The following CD2 variants were observed in gnomAD, a reference collection of about 807,000 sequenced individuals.
CD2 encodes the protein CD2 molecule.
CD2 carries 18 observed loss-of-function variants against 23.2 expected under a neutral mutation model. That is an observed-to-expected ratio of 0.77 (90% confidence interval 0.54 to 1.15). The LOEUF is 1.15. CD2 is among the 50% of genes most tolerant of loss of function. The pLI, the probability that CD2 is intolerant of heterozygous loss-of-function variation, is 0.00. For synonymous variants in CD2, 162 were observed against 151.9 expected (o/e 1.07, Z -0.49); for missense variants, 424 against 423.1 (o/e 1.00, Z -0.02).
chr1:116,768,012 G>A (rs957416152), intron 4 of CD2, among the ~76,000 whole-genome samples: 2 of 152,242 alleles, frequency 1.3e-5, no homozygotes, highest in Admixed American at 6.5e-5. Flanking sequence ...TTGCATGACA[G>A]TAGAATTGGG....
At chr1:116,764,912 T>C (rs1652169183) in intron 4 of CD2, among the ~76,000 whole-genome samples, 1 of 152,168 alleles carries the variant, frequency 6.6e-6, no homozygotes, top group South Asian at 2.1e-4. Flanking sequence ...GCCACACTTC[T>C]CTACATAGGC....
At position 116,754,676 on chromosome 1, in the gene CD2, C is replaced by T; in HGVS notation, c.107C>T (p.Ala36Val). ...EITNALETWG[A>V]LGQDINLDIP... ...ACGAATGCCTTGGAAACCTGGGGTGCCTTGGGTCAGGACATCAACTTGGAC... is the reference window on the plus strand; with the variant it reads ...ACGAATGCCTTGGAAACCTGGGGTGTCTTGGGTCAGGACATCAACTTGGAC... Residue 36 changes from alanine (A) to valine (V), a missense_variant, in exon 2 of 5, where the codon GCC becomes GTC. Physicochemically the swap from Ala to Val is moderately conservative, Grantham distance 64. Transcript: ENST00000369478. 6.2e-7 allele frequency: 1 copy of T among 1,609,656 alleles called. No homozygotes were observed. The highest frequency in any genetic ancestry group is 8.5e-7 in the Non-Finnish European group (1 of 1,178,876).
In CD2 at chr1:116,754,780, T is replaced by C; in HGVS notation, c.211T>C (p.Phe71Leu). Residue 71 changes from phenylalanine (F) to leucine (L), a missense_variant, in exon 2 of 5, where the codon TTC (phenylalanine) becomes CTC (leucine). Coordinates refer to ENST00000369478, the MANE Select transcript of CD2 (RefSeq NM_001767.5). ...TTCAGACAAGAAAAAGATTGCACAA[T>C]TCAGAAAAGAGAAAGAGACTTTCAA... ...KTSDKKKIAQFRKEKETFKEK... is the reference protein window; with the variant it reads ...KTSDKKKIAQLRKEKETFKEK... The C allele has an allele frequency of 6.2e-7, 1 of 1,613,278 alleles. No individual in the cohort carries two copies. The highest frequency in any genetic ancestry group is 8.5e-7 in the Non-Finnish European group (1 of 1,179,752).
chr1:116,760,381 G>A, intron 2 of CD2, 21 bp from the exon 3 acceptor site: 1 of 1,599,038 alleles, frequency 6.3e-7, no homozygotes, highest in Non-Finnish European at 8.6e-7. Flanking sequence ...AAATTGAACT[G>A]AATCTTTACT....
chr1:116,755,095 G>T, intron 2 of CD2, 144 bp downstream of exon 2: 2 of 634,456 alleles, frequency 3.2e-6, no homozygotes, highest in Non-Finnish European at 5.6e-6. Context: ...TCCTGCCCCA[G>T]TGGAGACTGT....
intron 4 of CD2, 134 bp downstream of exon 4, chr1:116,764,740 C>T (rs547700449): frequency 1.9e-5 from 13 of 689,444 alleles, no homozygotes; most frequent in South Asian, 1.1e-4. Context: ...TTGTAGTCAG[C>T]GGTTATAGCT....
At chr1:116,755,338 C>A (rs766009565) in intron 2 of CD2, among the ~76,000 whole-genome samples, 1 of 152,168 alleles carries the variant, frequency 6.6e-6, no homozygotes, top group African/African-American at 2.4e-5. Context: ...TGGAGAGCAG[C>A]GGGCCTTTCA....
At chr1:116,762,703 G>C (rs1366147016) in intron 3 of CD2, among the ~76,000 whole-genome samples, 2 of 152,168 alleles carry the variant, frequency 1.3e-5, no homozygotes, top group Non-Finnish European at 1.5e-5. Context: ...TGATCTCCAA[G>C]AGATACTGTT....
intron 3 of CD2, 30 bp from the exon 4 acceptor site, chr1:116,764,454 C>T (rs1557918715): frequency 1.2e-6 from 2 of 1,610,492 alleles, no homozygotes. Context: ...TGGACCCCTC[C>T]CAGCCATCCC....
At chr1:116,766,268 C>T (rs933315041) in intron 4 of CD2, among the ~76,000 whole-genome samples, 7 of 152,298 alleles carry the variant, frequency 4.6e-5, no homozygotes, top group African/African-American at 1.7e-4. Flanking sequence ...GCTGAGGACC[C>T]ACTGTCCTGC....
intron 4 of CD2, among the ~76,000 whole-genome samples, chr1:116,767,342 C>T (rs1356627463): frequency 6.6e-6 from 1 of 151,716 alleles, no homozygotes; most frequent in East Asian, 1.9e-4. Flanking sequence ...ACCTGTAATC[C>T]CAGCACTTTG....
chr1:116,756,402 A>T (rs1304294579), intron 2 of CD2, among the ~76,000 whole-genome samples: 1 of 152,056 alleles, frequency 6.6e-6, no homozygotes, highest in Non-Finnish European at 1.5e-5. Context: ...TGCTTACATG[A>T]TCTTATTTAA....
At chr1:116,764,383 G>C (rs953097910) in intron 3 of CD2, 101 bp from the exon 4 acceptor site, 1 of 1,514,504 alleles carries the variant, frequency 6.6e-7, no homozygotes, top group African/African-American at 1.4e-5. Flanking sequence ...GTCCCAACAA[G>C]CTCTTCTATC....
chr1:116,765,970 G>T (rs1018505532), intron 4 of CD2, among the ~76,000 whole-genome samples: 1 of 152,262 alleles, frequency 6.6e-6, no homozygotes, highest in African/African-American at 2.4e-5. Flanking sequence ...GTTCAGTGAG[G>T]TTCAATTATT....
intron 3 of CD2, among the ~76,000 whole-genome samples, chr1:116,761,491 A>G (rs1381120430): frequency 3.3e-5 from 5 of 152,224 alleles, no homozygotes; most frequent in South Asian, 2.1e-4. Flanking sequence ...GGGCTGCCTC[A>G]CAATATGGCA....
intron 4 of CD2, among the ~76,000 whole-genome samples, chr1:116,766,942 G>T (rs973516133): frequency 1.3e-5 from 2 of 152,112 alleles, no homozygotes; most frequent in African/African-American, 4.8e-5. Context: ...TTGCCACATA[G>T]GAGATGAAGA....
At chr1:116,766,192 A>G (rs1652209963) in intron 4 of CD2, among the ~76,000 whole-genome samples, 1 of 152,244 alleles carries the variant, frequency 6.6e-6, no homozygotes, top group Non-Finnish European at 1.5e-5. Context: ...GGAGAAGGAC[A>G]ATGAGCCTGG....
At position 116,768,701 on chromosome 1, in the gene CD2, G is replaced by A; in HGVS notation, c.974G>A (p.Gly325Asp). The change falls in exon 5 of 5, where the codon GGC (glycine) becomes GAC (aspartate). Residue 325 changes from glycine to aspartate, a missense_variant. Physicochemically the swap from Gly to Asp is moderately conservative, Grantham distance 94. Coordinates refer to ENST00000369478, the MANE Select transcript of CD2 (RefSeq NM_001767.5). ...PSGTQVHQQK[G>D]PPLPRPRVQP... ...GGCACACAAGTTCACCAGCAGAAAG[G>A]CCCGCCCCTCCCCAGACCTCGAGTT... The A allele has an allele frequency of 6.2e-7, 1 of 1,614,070 alleles. No homozygotes were observed. Among genetic ancestry groups the A allele is most frequent in the Non-Finnish European group, 8.5e-7 (1 of 1,180,030 alleles).
At chr1:116,758,966 C>T (rs1164054873) in intron 2 of CD2, among the ~76,000 whole-genome samples, 1 of 152,104 alleles carries the variant, frequency 6.6e-6, no homozygotes, top group East Asian at 1.9e-4. Flanking sequence ...TTTTTCTAAA[C>T]AGCTTCATTG....
Sources: gnomAD v4.1 joint callset for allele counts (sites outside exome capture counted in the v4.1 genomes callset) on GRCh38, gnomAD v4.1.1 for gene constraint, MANE v1.5 for transcripts, NCBI Gene and HGNC (gene_info 2026-07-23, HGNC 2026-07-21) for gene names.